DOCK4: variants seen among roughly 807,000 people sequenced by gnomAD.
The protein encoded by DOCK4 is dedicator of cytokinesis 4.
A neutral mutation model predicts 268.1 loss-of-function variants in DOCK4; 97 were observed. The ratio of observed to expected loss-of-function variants is 0.36; its 90% CI spans 0.31 to 0.43. DOCK4 has a LOEUF of 0.43. DOCK4 is among the 20% of genes least tolerant of loss of function. DOCK4 has a pLI of 1.00. For synonymous variants in DOCK4, 954 were observed against 887.2 expected (o/e 1.08, Z -1.34); for missense variants, 2,145 against 2,455.7 (o/e 0.87, Z 2.67).
chr7:112,102,989 A>G (rs1453930357), intron 1 of DOCK4, among the ~76,000 whole-genome samples: 2 of 152,238 alleles, frequency 1.3e-5, no homozygotes, highest in African/African-American at 4.8e-5. Flanking sequence ...AAGAAGTTTA[A>G]AAAATGTTTA....
intron 4 of DOCK4, among the ~76,000 whole-genome samples, chr7:111,995,571 A>C (rs904297034): frequency 1.4e-4 from 22 of 151,980 alleles, no homozygotes; most frequent in Non-Finnish European, 2.6e-4. Context: ...TCTCAAGAAA[A>C]CGTCTAATAC....
chr7:112,131,981 C>T (rs1272397262), intron 1 of DOCK4, among the ~76,000 whole-genome samples: 1 of 152,092 alleles, frequency 6.6e-6, no homozygotes, highest in Non-Finnish European at 1.5e-5. Flanking sequence ...AAAGGGATCC[C>T]TTCATACAAG....
In DOCK4 at chr7:112,036,585, T is replaced by C. The variant is rs113482904; in HGVS notation, c.38-32454A>G. On this transcript the variant is annotated intron_variant, in intron 1 of 52. Transcript: ENST00000428084. ...ATAACAAAGGGTACGGATCTTAGGG[T>C]GCACAGTGTGATGGGTTCTGACAAA... is the stretch of plus-strand genomic sequence containing the variant. Among the ~76,000 whole-genome samples, 367 of 152,038 alleles carry C rather than the reference T, an allele frequency of 2.4e-3. 3 individuals are homozygous for C. Among genetic ancestry groups the C allele is most frequent in the African/African-American group, 8.5e-3 (353 of 41,514 alleles).
chr7:111,997,857 GGAATTA>G (rs1334379113), intron 4 of DOCK4, among the ~76,000 whole-genome samples: 19 of 152,112 alleles, frequency 1.2e-4, no homozygotes, highest in African/African-American at 4.3e-4. Flanking sequence ...GTACCTTATT[GGAATTA>G]TGTTAAAGTG....
intron 1 of DOCK4, among the ~76,000 whole-genome samples, chr7:112,012,278 C>T (rs2135366327): frequency 6.6e-6 from 1 of 151,378 alleles, no homozygotes; most frequent in African/African-American, 2.4e-5. Context: ...TAAACTTAGA[C>T]AGACGCAGGC....
intron 47 of DOCK4, chr7:111,739,722 C>T: frequency 2.0e-6 from 1 of 503,804 alleles, no homozygotes; most frequent in South Asian, 2.1e-5. Context: ...TGACTTCGTA[C>T]CAGTTAGCAG....
chr7:111,742,992 CAAAAAGAAAAA>C (rs1412361324), intron 44 of DOCK4, among the ~76,000 whole-genome samples: 6 of 142,736 alleles, frequency 4.2e-5, no homozygotes, highest in Non-Finnish European at 9.2e-5. Context: ...ACTCTGTCTC[CAAAAAGAAAAA>C]AAAAAGAAAA....
At chr7:112,176,359 A>G (rs1373234472) in intron 1 of DOCK4, among the ~76,000 whole-genome samples, 2 of 152,210 alleles carry the variant, frequency 1.3e-5, no homozygotes, top group East Asian at 3.8e-4. Flanking sequence ...CTCTGGGTCC[A>G]TGAACCCGTC....
intron 1 of DOCK4, among the ~76,000 whole-genome samples, chr7:112,026,717 C>G (rs1055114665): frequency 4.6e-5 from 7 of 152,200 alleles, no homozygotes; most frequent in Admixed American, 2.0e-4. Flanking sequence ...TGCTTTTGCA[C>G]TATAATGACA....
At chr7:112,190,258 A>T (rs1819830681) in intron 1 of DOCK4, among the ~76,000 whole-genome samples, 1 of 152,108 alleles carries the variant, frequency 6.6e-6, no homozygotes, top group African/African-American at 2.4e-5. Context: ...ACCACACAGC[A>T]TCTCTGGCCT....
At chr7:111,784,057 A>G in intron 33 of DOCK4, 40 bp downstream of exon 33, 2 of 1,578,792 alleles carry the variant, frequency 1.3e-6, no homozygotes, top group Non-Finnish European at 1.7e-6. Context: ...CAACCACTGC[A>G]ACATCTCACA....
intron 8 of DOCK4, among the ~76,000 whole-genome samples, chr7:111,972,546 C>T (rs1466426831): frequency 2.0e-5 from 3 of 152,118 alleles, no homozygotes; most frequent in South Asian, 4.1e-4. Context: ...AATAAACACC[C>T]TGTTTCCTAA....
chr7:111,972,983 AT>A (rs1797846042), intron 8 of DOCK4, among the ~76,000 whole-genome samples: 1 of 151,710 alleles, frequency 6.6e-6, no homozygotes, highest in Non-Finnish European at 1.5e-5. Context: ...CTATCGTATC[AT>A]TCCTATGCCT....
At chr7:111,917,401 A>T (rs1026721547) in intron 12 of DOCK4, among the ~76,000 whole-genome samples, 2 of 152,168 alleles carry the variant, frequency 1.3e-5, no homozygotes, top group Non-Finnish European at 2.9e-5. Flanking sequence ...AGTCATCATT[A>T]ACCTGAAGTC....
Position 111,728,056 on chromosome 7 carries a change from A to G in DOCK4, c.*218T>C, listed in dbSNP as rs1794766027. 4.9e-6 allele frequency: 2 copies of G among 408,288 alleles called. 1 individual carries two copies. 25.3% of individuals were successfully genotyped at this position (408,288 alleles called of 1,614,324 possible). A position where few individuals can be genotyped will look rare whatever the true frequency, so the allele number is the denominator to read the frequency against. On this transcript the variant is annotated 3_prime_UTR_variant, in exon 53 of 53. Coordinates refer to ENST00000428084, the MANE Select transcript of DOCK4 (RefSeq NM_001363540.2). Reference sequence around the variant, plus strand: ...ACTATTTACCACTTCCAAATGAGAAACGTTTTAATGAAATTCAGCCATACT... The same window carrying G: ...ACTATTTACCACTTCCAAATGAGAAGCGTTTTAATGAAATTCAGCCATACT...
intron 17 of DOCK4, among the ~76,000 whole-genome samples, chr7:111,873,380 G>A (rs534665689): frequency 1.1e-3 from 175 of 152,326 alleles, no homozygotes; most frequent in Admixed American, 4.3e-3. Flanking sequence ...AGGGAGAGGT[G>A]GCATCTGGAG....
Position 111,779,810 on chromosome 7 carries a change from T to C in DOCK4, c.3586-1441A>G, listed in dbSNP as rs141764449. Among the ~76,000 whole-genome samples the C allele has an allele frequency of 4.6e-5, 7 of 152,360 alleles. 1 individual carries two copies. Among genetic ancestry groups the C allele is most frequent in the African/African-American group, 1.7e-4 (7 of 41,588 alleles). ...TATTCAACATAAAAGTGAATGTAAA[T>C]GAAGTTGGATTCTAGTAAAAGCATA... On this transcript the variant is annotated intron_variant, in intron 35 of 52. Transcript: ENST00000428084.
chr7:112,156,044 C>T (rs955872930), intron 1 of DOCK4, among the ~76,000 whole-genome samples: 1 of 152,186 alleles, frequency 6.6e-6, no homozygotes, highest in African/African-American at 2.4e-5. Flanking sequence ...TTTCACAGGG[C>T]TCGCAGACCT....
chr7:112,057,875 A>T (rs115844047), intron 1 of DOCK4, among the ~76,000 whole-genome samples: 5,584 of 152,004 alleles, frequency 0.037, 331 homozygotes, highest in African/African-American at 0.13. Context: ...ATAAAACTAA[A>T]AAAAATTAAA....
Sources: gnomAD v4.1 joint callset for allele counts (sites outside exome capture counted in the v4.1 genomes callset) on GRCh38, gnomAD v4.1.1 for gene constraint, MANE v1.5 for transcripts, NCBI Gene and HGNC (gene_info 2026-07-23, HGNC 2026-07-21) for gene names.